Variants in EYS observed in about 807,000 individuals in gnomAD.
EYS encodes the protein EGF-like photoreceptor maintenance factor, also known as protein eyes shut homolog.
EYS carries 250 observed loss-of-function variants against 282.1 expected under a neutral mutation model. The observed-to-expected ratio is 0.89, with a 90% CI of 0.80 to 0.98. The LOEUF (loss-of-function observed/expected upper bound fraction) is 0.98. EYS is among the 50% of genes least tolerant of loss of function. EYS has a pLI of 0.00. For synonymous variants in EYS, 1,355 were observed against 1,282.9 expected, an observed-to-expected ratio of 1.06 and a Z score of -1.20; for missense variants, 4,016 against 3,709.0, an observed-to-expected ratio of 1.08 and a Z score of -2.15.
intron 12 of EYS, among the ~76,000 whole-genome samples, chr6:65,274,925 AG>A (rs1768002551): frequency 6.6e-6 from 1 of 151,702 alleles, no homozygotes; most frequent in Non-Finnish European, 1.5e-5. Flanking sequence ...AGAGAGAGAG[AG>A]AGAGAGAGAC....
intron 34 of EYS, among the ~76,000 whole-genome samples, chr6:63,987,951 A>G (rs1767443220): frequency 6.6e-6 from 1 of 151,536 alleles, no homozygotes; most frequent in Admixed American, 6.6e-5. Context: ...CTAACTCTGT[A>G]TTTGAGATAT....
intron 5 of EYS, among the ~76,000 whole-genome samples, chr6:65,454,140 T>C (rs767638219): frequency 7.0e-6 from 1 of 143,518 alleles, no homozygotes; most frequent in Non-Finnish European, 1.6e-5. Context: ...TTACAATGTG[T>C]GTAAGTGTTC....
chr6:65,620,797 C>A (rs1236897675), intron 2 of EYS, among the ~76,000 whole-genome samples: 3 of 151,994 alleles, frequency 2.0e-5, no homozygotes, highest in African/African-American at 7.3e-5. Context: ...TTTCTGCCTT[C>A]ATTTTGTTAT....
intron 22 of EYS, among the ~76,000 whole-genome samples, chr6:64,640,552 C>T (rs1401296232): frequency 2.0e-5 from 3 of 149,894 alleles, no homozygotes; most frequent in East Asian, 3.9e-4. Flanking sequence ...GGGGTCATCA[C>T]ACTCTGGGGA....
At chr6:64,005,379 A>G (rs867114432) in intron 33 of EYS, among the ~76,000 whole-genome samples, 10 of 152,268 alleles carry the variant, frequency 6.6e-5, no homozygotes, top group Middle Eastern at 6.8e-3. Flanking sequence ...GATCTTTGTC[A>G]GATGCATAGT....
intron 12 of EYS, among the ~76,000 whole-genome samples, chr6:65,096,870 T>C (rs1561964026): frequency 1.3e-5 from 2 of 151,064 alleles, no homozygotes; most frequent in Admixed American, 1.3e-4. Context: ...AAAACTTCAG[T>C]GTAAGTTCTT....
intron 42 of EYS, among the ~76,000 whole-genome samples, chr6:63,724,820 T>G (rs1164456995): frequency 2.6e-5 from 4 of 152,130 alleles, no homozygotes; most frequent in Non-Finnish European, 4.4e-5. Context: ...ATTGGCTGCT[T>G]TTATTAAAAT....
At chr6:65,701,826 T>C (rs12523724) in intron 1 of EYS, among the ~76,000 whole-genome samples, 1 of 151,864 alleles carries the variant, frequency 6.6e-6, no homozygotes, top group Non-Finnish European at 1.5e-5. Flanking sequence ...TACATATATA[T>C]AGAGAGAGTT....
intron 31 of EYS, among the ~76,000 whole-genome samples, chr6:64,212,085 T>C (rs981799502): frequency 2.6e-5 from 4 of 151,952 alleles, no homozygotes; most frequent in African/African-American, 9.7e-5. Context: ...CACTGCACTC[T>C]AGCCTGGGTA....
At chr6:64,613,105 T>G (rs893855845) in intron 24 of EYS, among the ~76,000 whole-genome samples, 3 of 152,168 alleles carry the variant, frequency 2.0e-5, no homozygotes, top group African/African-American at 7.2e-5. Flanking sequence ...TTGCATGTGC[T>G]ACTGTATCAG....
chr6:65,038,490 TA>T (rs1353586260), intron 13 of EYS, among the ~76,000 whole-genome samples: 13 of 151,526 alleles, frequency 8.6e-5, no homozygotes, highest in Non-Finnish European at 1.8e-4. Flanking sequence ...TGTTGACAGA[TA>T]TTTTTTTGTT....
At chr6:65,501,237 CT>C in intron 2 of EYS, among the ~76,000 whole-genome samples, 1 of 151,614 alleles carries the variant, frequency 6.6e-6, no homozygotes, top group Admixed American at 6.6e-5. Context: ...GTGCGTTTGT[CT>C]GTGTGTGGGA....
At chr6:64,595,296 T>G (rs534914970) in intron 24 of EYS, among the ~76,000 whole-genome samples, 1 of 152,236 alleles carries the variant, frequency 6.6e-6, no homozygotes, top group South Asian at 2.1e-4. Context: ...TTTAACATAA[T>G]GAAGGTCATA....
intron 2 of EYS, among the ~76,000 whole-genome samples, chr6:65,598,247 C>A (rs113332873): frequency 1.2e-5 from 1 of 83,918 alleles, no homozygotes; most frequent in East Asian, 4.5e-4. Context: ...CACCCCCCCC[C>A]CAAAAAAAAA....
At chr6:63,814,184 A>G (rs1217092231) in intron 36 of EYS, among the ~76,000 whole-genome samples, 1 of 152,204 alleles carries the variant, frequency 6.6e-6, no homozygotes, top group Non-Finnish European at 1.5e-5. Flanking sequence ...ACTGTTCAGC[A>G]TTATCATTTA....
At chr6:65,103,077 T>C (rs1278567096) in intron 12 of EYS, among the ~76,000 whole-genome samples, 4 of 151,320 alleles carry the variant, frequency 2.6e-5, no homozygotes, top group African/African-American at 9.7e-5. Context: ...ACCTGGAAAC[T>C]TATTAGAAAA....
chr6:64,528,432 C>T (rs1474754684), intron 26 of EYS, among the ~76,000 whole-genome samples: 6 of 151,890 alleles, frequency 4.0e-5, no homozygotes, highest in Non-Finnish European at 8.8e-5. Flanking sequence ...TTACCCACTT[C>T]TTTAGAGCCA....
chr6:65,040,611 A>G (rs1358893282), intron 13 of EYS, among the ~76,000 whole-genome samples: 1 of 151,684 alleles, frequency 6.6e-6, no homozygotes, highest in Non-Finnish European at 1.5e-5. Flanking sequence ...TTTAGCACAT[A>G]GTATACTCAC....
chr6:64,430,867 A>T (rs1774554217), intron 28 of EYS, among the ~76,000 whole-genome samples: 1 of 152,168 alleles, frequency 6.6e-6, no homozygotes, highest in African/African-American at 2.4e-5. Flanking sequence ...TTCTCAGCAG[A>T]ATATACATGG....
Sources: gnomAD v4.1 joint callset for allele counts (sites outside exome capture counted in the v4.1 genomes callset) on GRCh38, gnomAD v4.1.1 for gene constraint, MANE v1.5 for transcripts, NCBI Gene and HGNC (gene_info 2026-07-23, HGNC 2026-07-21) for gene names.